The following NMNAT2 variants were observed in gnomAD, a reference collection of about 807,000 sequenced individuals.
NMNAT2 encodes nicotinamide/nicotinic acid mononucleotide adenylyltransferase 2.
Under a neutral mutation model 41.6 loss-of-function variants are expected in NMNAT2, and 11 were observed. The observed-to-expected ratio is 0.26, with a 90% CI of 0.17 to 0.44. NMNAT2 has a LOEUF of 0.44. Ranked by LOEUF, NMNAT2 falls within the 20% of genes least tolerant of loss-of-function variation. The probability of loss-of-function intolerance (pLI) is 1.00; values close to 1 mark genes in which losing one functional copy is unlikely to be tolerated. For missense variants in NMNAT2, 288 were observed against 407.7 expected, an observed-to-expected ratio of 0.71 and a Z score of 2.53; for synonymous variants, 148 against 151.2, an observed-to-expected ratio of 0.98 and a Z score of 0.16.
At chr1:183,344,152 C>T (rs1662876783) in intron 1 of NMNAT2, among the ~76,000 whole-genome samples, 1 of 152,158 alleles carries the variant, frequency 6.6e-6, no homozygotes, top group Admixed American at 6.5e-5. Context: ...CATCATTATA[C>T]TCATCATTAT....
At chr1:183,346,133 T>C (rs889856173) in intron 1 of NMNAT2, among the ~76,000 whole-genome samples, 8 of 152,292 alleles carry the variant, frequency 5.3e-5, no homozygotes, top group African/African-American at 1.9e-4. Context: ...GCTGCTGGGT[T>C]CTCCTCGCCT....
intron 5 of NMNAT2, 78 bp from the exon 6 acceptor site, chr1:183,284,868 TG>T: frequency 8.5e-7 from 1 of 1,175,036 alleles, no homozygotes; most frequent in Non-Finnish European, 1.3e-6. Context: ...GGCCCGGCAT[TG>T]GGGCCGCTGT....
chr1:183,342,046 A>C (rs1571609115), intron 1 of NMNAT2, among the ~76,000 whole-genome samples: 1 of 139,766 alleles, frequency 7.2e-6, no homozygotes, highest in Non-Finnish European at 1.5e-5. Flanking sequence ...TTTTTTACCA[A>C]CCCTTTGGCA....
Position 183,390,553 on chromosome 1 carries a change from A to G in NMNAT2, c.85+27630T>C, listed in dbSNP as rs1166122789. On this transcript the variant is annotated intron_variant, in intron 1 of 10. Transcript: ENST00000287713. ...TATACAAATTATACTTAAAACCCAA[A>G]TTGAAGACTCTTGGCTGCTGTTTAC... Among the ~76,000 whole-genome samples the G allele has an allele frequency of 4.6e-5, 7 of 152,194 alleles. No individual in the cohort carries two copies. The East Asian group carries it at 1.3e-3, about 29-fold the overall frequency.
chr1:183,406,657 G>A (rs1648962522), intron 1 of NMNAT2, among the ~76,000 whole-genome samples: 1 of 152,142 alleles, frequency 6.6e-6, no homozygotes, highest in Non-Finnish European at 1.5e-5. Context: ...TTCTGAAGAT[G>A]CAAACTTAAC....
intron 8 of NMNAT2, among the ~76,000 whole-genome samples, chr1:183,270,262 T>C (rs1660950410): frequency 6.6e-6 from 1 of 152,192 alleles, no homozygotes; most frequent in African/African-American, 2.4e-5. Context: ...TTACCATAGC[T>C]ACTTGGGAGG....
chr1:183,268,076 G>C (rs1483208372), intron 8 of NMNAT2, among the ~76,000 whole-genome samples: 2 of 152,152 alleles, frequency 1.3e-5, no homozygotes, highest in Non-Finnish European at 2.9e-5. Context: ...GATAGGGATG[G>C]GGAGAGGATG....
intron 1 of NMNAT2, among the ~76,000 whole-genome samples, chr1:183,302,739 A>G (rs1661892283): frequency 6.6e-6 from 1 of 152,174 alleles, no homozygotes; most frequent in Non-Finnish European, 1.5e-5. Context: ...GAATTTATTT[A>G]AACTAGGCAA....
chr1:183,399,256 G>C (rs1648742754), intron 1 of NMNAT2, among the ~76,000 whole-genome samples: 1 of 150,434 alleles, frequency 6.6e-6, no homozygotes, highest in Admixed American at 6.7e-5. Context: ...CGGAAATACA[G>C]ACTACCGTCG....
intron 10 of NMNAT2, among the ~76,000 whole-genome samples, chr1:183,259,257 A>G (rs1415215963): frequency 6.6e-6 from 1 of 152,204 alleles, no homozygotes; most frequent in Non-Finnish European, 1.5e-5. Context: ...ATGTGCAGCC[A>G]TGTTTGGAAC....
chr1:183,396,548 G>T (rs1476196533), intron 1 of NMNAT2, among the ~76,000 whole-genome samples: 1 of 152,118 alleles, frequency 6.6e-6, no homozygotes, highest in Non-Finnish European at 1.5e-5. Context: ...AAGTTAGCGT[G>T]TATATAACTC....
intron 1 of NMNAT2, among the ~76,000 whole-genome samples, chr1:183,390,308 T>C (rs905346538): frequency 1.3e-5 from 2 of 152,188 alleles, no homozygotes; most frequent in Admixed American, 1.3e-4. Flanking sequence ...TGAGGAAATG[T>C]CAACAGTCAA....
At chr1:183,294,548 TTTGGGAGGC>T (rs1661630894) in intron 1 of NMNAT2, among the ~76,000 whole-genome samples, 1 of 152,198 alleles carries the variant, frequency 6.6e-6, no homozygotes, top group African/African-American at 2.4e-5. Context: ...ATCCCAGTAC[TTTGGGAGGC>T]CGAGGCAGGT....
Position 183,340,321 on chromosome 1 carries a change from CTT to C in NMNAT2, c.86-46530_86-46529del, listed in dbSNP as rs34610627. Among the ~76,000 whole-genome samples, 977 of 114,788 alleles carry C rather than the reference CTT, an allele frequency of 8.5e-3. 6 individuals carry two copies. The highest frequency in any genetic ancestry group is 0.034 in the East Asian group (117 of 3,408). The allele number at this position is 114,788 out of a possible 152,430, so 75.3% of individuals were successfully genotyped here. On this transcript the variant is annotated intron_variant, in intron 1 of 10. Transcript: ENST00000287713. The stretch of plus-strand genomic sequence containing the variant: ...TCCTGGCACTGTTTCCCTGGGTTAG[CTT>C]TTTTTTTTTTTTTTTTTGAGATGGA...
At chr1:183,402,871 C>T (rs770911881) in intron 1 of NMNAT2, among the ~76,000 whole-genome samples, 60 of 142,874 alleles carry the variant, frequency 4.2e-4, no homozygotes, top group Non-Finnish European at 6.4e-4. Flanking sequence ...TTCCTCTTTC[C>T]CATTCCTTTA....
chr1:183,319,315 C>A (rs1662314014), intron 1 of NMNAT2, among the ~76,000 whole-genome samples: 1 of 152,348 alleles, frequency 6.6e-6, no homozygotes, highest in Non-Finnish European at 1.5e-5. Context: ...ATTTACACAC[C>A]AGTCAGACTT....
At chr1:183,281,899 G>A (rs900005673) in intron 7 of NMNAT2, among the ~76,000 whole-genome samples, 4 of 152,232 alleles carry the variant, frequency 2.6e-5, no homozygotes, top group Non-Finnish European at 5.9e-5. Flanking sequence ...GGGAGGCAGC[G>A]AGCTCCCTTC....
At chr1:183,369,249 T>C (rs1663477528) in intron 1 of NMNAT2, among the ~76,000 whole-genome samples, 1 of 98,626 alleles carries the variant, frequency 1.0e-5, no homozygotes. Flanking sequence ...TTCTTTTTTT[T>C]TTTCTTTTCT....
chr1:183,259,514 A>C (rs1411484301), intron 10 of NMNAT2, among the ~76,000 whole-genome samples: 1 of 152,048 alleles, frequency 6.6e-6, no homozygotes, highest in African/African-American at 2.4e-5. Flanking sequence ...ACTGCCTTTT[A>C]ACTTTCTATT....
Sources: allele counts gnomAD v4.1 joint callset (sites outside exome capture counted in the v4.1 genomes callset), GRCh38; gene constraint gnomAD v4.1.1; transcripts MANE v1.5; gene names NCBI Gene and HGNC (gene_info 2026-07-23, HGNC 2026-07-21).